HBS1L: variants seen among roughly 807,000 people sequenced by gnomAD.
HBS1L encodes HBS1-like protein.
Under a neutral mutation model 88.9 loss-of-function variants are expected in HBS1L, and 55 were observed. That is an observed-to-expected ratio of 0.62 (90% CI 0.50 to 0.77). The LOEUF (loss-of-function observed/expected upper bound fraction) is 0.77. Ranked by LOEUF, HBS1L falls within the 30% of genes least tolerant of loss-of-function variation. The pLI is 0.00. For synonymous variants in HBS1L, 267 were observed against 288.5 expected, an observed-to-expected ratio of 0.93 and a Z score of 0.76; for missense variants, 741 against 829.3, an observed-to-expected ratio of 0.89 and a Z score of 1.31.
rs754790434 is a variant in HBS1L, at chr6:134,978,788, C to A, written c.1689-1G>T. 6.3e-7 allele frequency: 1 copy of A among 1,575,042 alleles called. No homozygotes were observed. The highest frequency in any genetic ancestry group is 8.6e-7 in the Non-Finnish European group (1 of 1,158,276). ...GGGGCCACAAAATATGCAGCCAACA[C>A]TGTAAGAACAACAAAAAAAGAGGAA... On this transcript the variant is annotated splice_acceptor_variant, in intron 14 of 17. Transcript: ENST00000367837. LOFTEE classifies it high-confidence loss of function.
chr6:135,026,614 C>T (rs1446938992), intron 4 of HBS1L, among the ~76,000 whole-genome samples: 1 of 151,902 alleles, frequency 6.6e-6, no homozygotes, highest in Non-Finnish European at 1.5e-5. Context: ...ACAACTAAAC[C>T]AAAGTCACTC....
At chr6:135,024,479 T>C (rs1404541253) in intron 4 of HBS1L, among the ~76,000 whole-genome samples, 1 of 146,712 alleles carries the variant, frequency 6.8e-6, no homozygotes, top group South Asian at 2.1e-4. Context: ...ACAAGAATGA[T>C]GTATGAATTT....
At chr6:134,995,608 A>G (rs977900427) in intron 7 of HBS1L, among the ~76,000 whole-genome samples, 1 of 151,716 alleles carries the variant, frequency 6.6e-6, no homozygotes, top group Admixed American at 6.6e-5. Context: ...CTTAAATTAT[A>G]CTGTTCTCAA....
intron 15 of HBS1L, among the ~76,000 whole-genome samples, chr6:134,977,134 A>G (rs1227569981): frequency 6.6e-6 from 1 of 151,836 alleles, no homozygotes; most frequent in Admixed American, 6.6e-5. Flanking sequence ...ATATGGCCAT[A>G]TTTTTCTGAA....
intron 4 of HBS1L, among the ~76,000 whole-genome samples, chr6:135,006,812 G>A (rs1025607467): frequency 5.9e-5 from 9 of 152,042 alleles, no homozygotes; most frequent in South Asian, 4.1e-4. Flanking sequence ...TGGGGTGTGC[G>A]TATGTGCATG....
At chr6:135,014,033 C>T (rs957048808) in intron 4 of HBS1L, among the ~76,000 whole-genome samples, 2 of 151,990 alleles carry the variant, frequency 1.3e-5, no homozygotes. Flanking sequence ...AGAGCCGAAA[C>T]CCAAGGAAAC....
chr6:134,990,058 AG>A (rs1411801963), intron 8 of HBS1L, among the ~76,000 whole-genome samples: 1 of 152,202 alleles, frequency 6.6e-6, no homozygotes, highest in African/African-American at 2.4e-5. Flanking sequence ...TTTTCTCATT[AG>A]GTTTTCATAA....
chr6:135,015,578 C>G (rs1775896193), intron 4 of HBS1L, among the ~76,000 whole-genome samples: 1 of 151,910 alleles, frequency 6.6e-6, no homozygotes. Flanking sequence ...CACACACATA[C>G]TGATTTATTT....
intron 4 of HBS1L, chr6:135,035,885 TA>T (rs1296032038): frequency 1.4e-6 from 1 of 696,338 alleles, no homozygotes; most frequent in Non-Finnish European, 1.8e-6. Flanking sequence ...ATATTTATTT[TA>T]AAGTGTATAC....
intron 4 of HBS1L, among the ~76,000 whole-genome samples, chr6:135,018,462 C>A (rs1775982827): frequency 6.6e-6 from 1 of 151,848 alleles, no homozygotes; most frequent in African/African-American, 2.4e-5. Flanking sequence ...AACACTGAAC[C>A]AGCAATTTTT....
At chr6:135,019,929 T>G (rs1776025580) in intron 4 of HBS1L, among the ~76,000 whole-genome samples, 1 of 151,888 alleles carries the variant, frequency 6.6e-6, no homozygotes, top group African/African-American at 2.4e-5. Flanking sequence ...GTATAACTAT[T>G]GTAGTTTGAT....
At chr6:134,996,169 AT>A in intron 7 of HBS1L, among the ~76,000 whole-genome samples, 1 of 152,248 alleles carries the variant, frequency 6.6e-6, no homozygotes, top group South Asian at 2.1e-4. Flanking sequence ...CCCTAACATG[AT>A]CTATACTGAC....
intron 4 of HBS1L, among the ~76,000 whole-genome samples, chr6:135,008,221 A>G (rs193091598): frequency 6.6e-6 from 1 of 152,364 alleles, no homozygotes; most frequent in African/African-American, 2.4e-5. Flanking sequence ...TCTCTAGAAT[A>G]GAGAAGAACT....
intron 15 of HBS1L, 78 bp from the exon 16 acceptor site, chr6:134,969,416 T>A (rs1583055440): frequency 2.3e-6 from 2 of 858,772 alleles, no homozygotes; most frequent in East Asian, 5.1e-5. Flanking sequence ...TATACTTAAT[T>A]ATCTTCAATT....
In HBS1L at chr6:134,979,220, T is replaced by C. The variant is rs1167868130; in HGVS notation, c.1646A>G (p.His549Arg). Residue 549 changes from histidine to arginine, a missense_variant, in exon 14 of 18, where the codon CAT becomes CGT. This residue lies in a region of HBS1L where 181 missense variants were observed against 212.7 expected (regional missense o/e 0.85). Coordinates refer to ENST00000367837, the MANE Select transcript of HBS1L (RefSeq NM_006620.4). ...CATCCCAACCAAAGTAAGACTAACA[T>C]GATCGCCTGCTGCCGCCCAGTCGAC... ...EPVDWAAAGD[H>R]VSLTLVGMDI... is the part of the protein sequence containing the mutation. 6.2e-7 allele frequency: 1 copy of C among 1,612,188 alleles called. No homozygotes were observed. Among genetic ancestry groups the C allele is most frequent in the African/African-American group, 1.3e-5 (1 of 74,812 alleles).
intron 1 of HBS1L, among the ~76,000 whole-genome samples, chr6:135,053,084 A>G (rs750240423): frequency 2.0e-5 from 3 of 152,184 alleles, no homozygotes; most frequent in Admixed American, 1.3e-4. Flanking sequence ...GATGTCACCA[A>G]TTGTTTCAAA....
At chr6:135,050,794 A>C (rs1161914413) in intron 1 of HBS1L, 147 bp from the exon 2 acceptor site, 2 of 594,922 alleles carry the variant, frequency 3.4e-6, no homozygotes, top group Non-Finnish European at 6.0e-6. Context: ...AAAAACTCTT[A>C]AGAATTTCAC....
intron 5 of HBS1L, among the ~76,000 whole-genome samples, chr6:134,999,904 G>T (rs1583094412): frequency 1.3e-5 from 2 of 152,124 alleles, no homozygotes; most frequent in Admixed American, 1.3e-4. Flanking sequence ...AATGTTTTAA[G>T]ATTTGAAAAA....
At chr6:135,032,891 C>G (rs1776428239) in intron 4 of HBS1L, among the ~76,000 whole-genome samples, 2 of 151,236 alleles carry the variant, frequency 1.3e-5, no homozygotes, top group African/African-American at 4.9e-5. Flanking sequence ...AGATTCAAAG[C>G]TAAAAGGAGA....
Sources: gnomAD v4.1 joint callset for allele counts (sites outside exome capture counted in the v4.1 genomes callset) on GRCh38, gnomAD v4.1.1 for gene constraint, gnomAD v4.1.1 regional missense constraint, MANE v1.5 for transcripts, NCBI Gene and HGNC (gene_info 2026-07-23, HGNC 2026-07-21) for gene names.